Variants in OCM observed in about 807,000 individuals in gnomAD.
OCM encodes the protein oncomodulin-1.
A neutral mutation model predicts 14.1 loss-of-function variants in OCM; 18 were observed. The ratio of observed to expected loss-of-function variants is 1.28; its 90% confidence interval spans 0.88 to 1.89. OCM has a LOEUF of 1.89. Among genes scored for constraint, OCM ranks in the 40% most tolerant of loss-of-function variants. The pLI, the probability that OCM is intolerant of heterozygous loss-of-function variation, is 0.00. For missense variants in OCM, 140 were observed against 137.6 expected (o/e 1.02, Z -0.09); for synonymous variants, 48 against 51.0 (o/e 0.94, Z 0.25).
Position 5,886,209 on chromosome 7 carries a change from C to A in OCM, c.*120C>A, listed in dbSNP as rs1219077477. The A allele has an allele frequency of 8.5e-6, 11 of 1,293,468 alleles. No individual in the cohort carries two copies. The African/African-American group carries it at 1.5e-4, about 17-fold the overall frequency. 80.1% of individuals were successfully genotyped at this position (1,293,468 alleles called of 1,614,324 possible). On this transcript the variant is annotated 3_prime_UTR_variant, in exon 4 of 4. Coordinates refer to ENST00000242104, the MANE Select transcript of OCM (RefSeq NM_001097622.2). ...TAATTTGTTAATTTTCCCTGAAAAC[C>A]TTCTGCAGTTTGCTCATTGTTTTAG...
chr7:5,883,374 A>G (rs1254900080), intron 2 of OCM, among the ~76,000 whole-genome samples: 5 of 151,912 alleles, frequency 3.3e-5, no homozygotes, highest in African/African-American at 1.2e-4. Flanking sequence ...AATAAAAATT[A>G]AAAACACTAA....
At chr7:5,860,417 T>C in the OCM span, among the ~76,000 whole-genome samples, 1 of 146,474 alleles carries the variant, frequency 6.8e-6, no homozygotes, top group Non-Finnish European at 1.5e-5. Context: ...TACGTATATA[T>C]ATATTACGTA....
the OCM span, among the ~76,000 whole-genome samples, chr7:5,863,047 C>A: frequency 6.6e-6 from 1 of 152,170 alleles, no homozygotes; most frequent in East Asian, 1.9e-4. Flanking sequence ...ACTCTTTACT[C>A]CTTTTTTCAC....
chr7:5,884,456 T>C (rs758922901), intron 3 of OCM, among the ~76,000 whole-genome samples: 3 of 152,328 alleles, frequency 2.0e-5, no homozygotes, highest in East Asian at 3.9e-4. Context: ...ATATATTTTA[T>C]TGGACATTAG....
intron 3 of OCM, among the ~76,000 whole-genome samples, chr7:5,884,257 TGACTAG>T (rs1306901260): frequency 2.0e-5 from 3 of 152,156 alleles, no homozygotes; most frequent in African/African-American, 7.2e-5. Context: ...ATCCTTCACC[TGACTAG>T]GGGACTAGCT....
intron 2 of OCM, 87 bp from the exon 3 acceptor site, chr7:5,883,803 G>A (rs1235582392): frequency 6.6e-7 from 1 of 1,507,222 alleles, no homozygotes; most frequent in Non-Finnish European, 9.1e-7. Context: ...CTGGAAACAG[G>A]TGATATGCTT....
chr7:5,885,103 A>G (rs2128607404), intron 3 of OCM, among the ~76,000 whole-genome samples: 1 of 137,964 alleles, frequency 7.2e-6, no homozygotes, highest in East Asian at 2.2e-4. Context: ...CTGGGCAACA[A>G]GAGTGAAACT....
chr7:5,880,851 C>G lies in OCM; in HGVS notation c.-39C>G. The G allele has an allele frequency of 6.2e-7, 1 of 1,600,138 alleles. No individual in the cohort carries two copies. The highest frequency in any genetic ancestry group is 8.6e-7 in the Non-Finnish European group (1 of 1,167,770). On this transcript the variant is annotated 5_prime_UTR_variant, in exon 1 of 4. Coordinates refer to ENST00000242104, the MANE Select transcript of OCM (RefSeq NM_001097622.2). The stretch of plus-strand genomic sequence containing the variant: ...TGGATGTGCACATTCCTGTTTGTGG[C>G]TTATCGCCTCTCATTTATTCTGTGT...
chr7:5,878,513 G>A (rs1483872293), upstream of OCM, among the ~76,000 whole-genome samples: 4 of 151,858 alleles, frequency 2.6e-5, no homozygotes, highest in Non-Finnish European at 5.9e-5. Flanking sequence ...TTGGGAGGCC[G>A]AGGTGGGCGG....
upstream of OCM, among the ~76,000 whole-genome samples, chr7:5,880,634 C>T (rs929828763): frequency 3.3e-5 from 5 of 152,064 alleles, no homozygotes; most frequent in East Asian, 1.9e-4. Context: ...TAGTGCGCAC[C>T]TGTAATCCCA....
the OCM span, among the ~76,000 whole-genome samples, chr7:5,861,935 C>G: frequency 1.3e-5 from 2 of 151,938 alleles, no homozygotes; most frequent in Non-Finnish European, 2.9e-5. Context: ...GTTACCCAGG[C>G]TAGAGTACAG....
chr7:5,881,863 C>T (rs1297638540), intron 1 of OCM, among the ~76,000 whole-genome samples: 2 of 151,740 alleles, frequency 1.3e-5, no homozygotes, highest in East Asian at 1.9e-4. Context: ...GAGGCCGGTG[C>T]ATCACTTGAG....
the OCM span, among the ~76,000 whole-genome samples, chr7:5,862,159 A>C: frequency 6.6e-6 from 1 of 152,144 alleles, no homozygotes; most frequent in Non-Finnish European, 1.5e-5. Context: ...TTTTAAAGAC[A>C]GGATCCATAC....
chr7:5,864,134 G>A, the OCM span, among the ~76,000 whole-genome samples: 10 of 152,020 alleles, frequency 6.6e-5, no homozygotes, highest in East Asian at 1.9e-3. Context: ...GAGCCCATGA[G>A]TGCAAGACCA....
At chr7:5,874,063 A>AT in the OCM span, among the ~76,000 whole-genome samples, 3 of 144,654 alleles carry the variant, frequency 2.1e-5, no homozygotes, top group Admixed American at 7.7e-5. Context: ...TAAAAATAAA[A>AT]AAAAAAAAAA....
At chr7:5,877,725 CAGG>C (rs1406796505), upstream of OCM, among the ~76,000 whole-genome samples, 1 of 139,318 alleles carries the variant, frequency 7.2e-6, no homozygotes. Flanking sequence ...GAGGCTGAGG[CAGG>C]AGAATTGCTT....
chr7:5,877,409 A>AGT (rs1485321327), upstream of OCM, among the ~76,000 whole-genome samples: 5 of 150,788 alleles, frequency 3.3e-5, no homozygotes, highest in Admixed American at 1.3e-4. Flanking sequence ...TCAAGGCTGC[A>AGT]GTGAGCCGAG....
upstream of OCM, among the ~76,000 whole-genome samples, chr7:5,877,655 A>G (rs1384793723): frequency 6.6e-6 from 1 of 151,352 alleles, no homozygotes; most frequent in Non-Finnish European, 1.5e-5. Flanking sequence ...CCTCATCTCT[A>G]CTAAAAATGC....
At chr7:5,876,993 C>T (rs771886283), upstream of OCM, among the ~76,000 whole-genome samples, 2 of 151,970 alleles carry the variant, frequency 1.3e-5, no homozygotes, top group South Asian at 2.1e-4. Context: ...TTAGTAGAGA[C>T]GGGGGTTTCT....
Sources: allele counts gnomAD v4.1 joint callset (sites outside exome capture counted in the v4.1 genomes callset), GRCh38; gene constraint gnomAD v4.1.1; transcripts MANE v1.5; gene names NCBI Gene and HGNC (gene_info 2026-07-23, HGNC 2026-07-21).